OR9Q1: variants seen among roughly 807,000 people sequenced by gnomAD.
The protein encoded by OR9Q1 is olfactory receptor family 9 subfamily Q member 1, also known as olfactory receptor 9Q1.
For missense variants in OR9Q1, 374 were observed against 378.8 expected, an observed-to-expected ratio of 0.99 and a Z score of 0.11; for synonymous variants, 153 against 148.6, an observed-to-expected ratio of 1.03 and a Z score of -0.22.
intron 2 of OR9Q1, among the ~76,000 whole-genome samples, chr11:58,087,625 G>A (rs1484535021): frequency 6.6e-6 from 1 of 151,812 alleles, no homozygotes; most frequent in Non-Finnish European, 1.5e-5. Flanking sequence ...GTATATATGT[G>A]CCATGGTGGT....
At chr11:58,032,061 G>A in intron 1 of OR9Q1, 1 of 554,624 alleles carries the variant, frequency 1.8e-6, no homozygotes, top group Non-Finnish European at 3.2e-6. Flanking sequence ...GGAAGTGAAA[G>A]ATATTTATAA....
At chr11:58,036,807 T>C (rs1853104682) in intron 1 of OR9Q1, among the ~76,000 whole-genome samples, 1 of 152,050 alleles carries the variant, frequency 6.6e-6, no homozygotes. Context: ...GGATGAAGAG[T>C]TGCTTCTTAT....
At chr11:58,053,342 G>A (rs1006485645) in intron 1 of OR9Q1, among the ~76,000 whole-genome samples, 6 of 149,286 alleles carry the variant, frequency 4.0e-5, no homozygotes, top group Admixed American at 6.8e-5. Context: ...GTAAACTATC[G>A]CAAGGACAAA....
At chr11:58,029,188 A>C (rs1368729446) in intron 1 of OR9Q1, among the ~76,000 whole-genome samples, 1 of 152,192 alleles carries the variant, frequency 6.6e-6, no homozygotes, top group African/African-American at 2.4e-5. Context: ...GGCCAGCTCA[A>C]CTGGGGGCTG....
rs114209780 is a variant in OR9Q1, at chr11:58,160,343, C to T, written c.-14-19088C>T. Among the ~76,000 whole-genome samples the T allele has an allele frequency of 2.8e-3, 422 of 152,218 alleles. 1 individual carries two copies. The highest frequency in any genetic ancestry group is 9.0e-3 in the African/African-American group (375 of 41,512). On this transcript the variant is annotated intron_variant, in intron 2 of 2. Coordinates refer to ENST00000335397, the MANE Select transcript of OR9Q1 (RefSeq NM_001005212.4). ...CACTAAGATTTGAGATAATTTATTA[C>T]GAAGTGATAGATAACTACAGATTGA... is the stretch of plus-strand genomic sequence containing the variant.
At chr11:58,063,887 A>G (rs1452793178) in intron 2 of OR9Q1, among the ~76,000 whole-genome samples, 1 of 152,200 alleles carries the variant, frequency 6.6e-6, no homozygotes, top group Non-Finnish European at 1.5e-5. Flanking sequence ...AAACATCAAG[A>G]AATCCAGTGG....
At chr11:58,172,667 GA>G (rs1854566191) in intron 2 of OR9Q1, among the ~76,000 whole-genome samples, 1 of 151,982 alleles carries the variant, frequency 6.6e-6, no homozygotes, top group African/African-American at 2.4e-5. Context: ...ATACTTGTAA[GA>G]TTTTTTTTAA....
chr11:58,131,923 T>A (rs1854145177), intron 2 of OR9Q1, among the ~76,000 whole-genome samples: 1 of 152,116 alleles, frequency 6.6e-6, no homozygotes, highest in African/African-American at 2.4e-5. Context: ...GATTTCAATT[T>A]AAAAAAATAC....
intron 2 of OR9Q1, among the ~76,000 whole-genome samples, chr11:58,082,356 A>G (rs7122673): frequency 0.21 from 31,942 of 152,020 alleles, 4,012 homozygotes; most frequent in Middle Eastern, 0.38. Flanking sequence ...CAAATGTCCA[A>G]CAATGATAGA....
chr11:58,073,635 T>G (rs1156841058), intron 2 of OR9Q1: 2 of 152,242 alleles, frequency 1.3e-5, no homozygotes, highest in Non-Finnish European at 2.9e-5. Flanking sequence ...ACTTTGTTTT[T>G]ATTTTATTTT....
intron 2 of OR9Q1, among the ~76,000 whole-genome samples, chr11:58,076,433 G>T (rs1853539665): frequency 6.6e-6 from 1 of 152,130 alleles, no homozygotes; most frequent in Admixed American, 6.6e-5. Context: ...CTAGCTGTCA[G>T]CCAGGGACTG....
At chr11:58,166,434 C>G (rs1260316510) in intron 2 of OR9Q1, among the ~76,000 whole-genome samples, 4 of 152,172 alleles carry the variant, frequency 2.6e-5, no homozygotes, top group Admixed American at 2.0e-4. Flanking sequence ...TTTATATCAT[C>G]TTCTGCAACT....
At chr11:58,179,012 A>AG (rs1854633335) in intron 2 of OR9Q1, among the ~76,000 whole-genome samples, 38 of 132,474 alleles carry the variant, frequency 2.9e-4, no homozygotes, top group African/African-American at 1.0e-3. Context: ...GAAAGAAAGA[A>AG]AGAGAGAGAG....
intron 2 of OR9Q1, among the ~76,000 whole-genome samples, chr11:58,147,053 C>A (rs558070795): frequency 8.1e-4 from 123 of 152,216 alleles, no homozygotes; most frequent in African/African-American, 2.8e-3. Flanking sequence ...GAAATAGAAC[C>A]ACTTTGTCTA....
intron 1 of OR9Q1, among the ~76,000 whole-genome samples, chr11:58,047,889 G>C (rs1232512774): frequency 6.6e-6 from 1 of 152,010 alleles, no homozygotes; most frequent in African/African-American, 2.4e-5. Context: ...TCTCACATTA[G>C]GAGCCCTTCC....
At chr11:58,136,253 T>C (rs544422135) in intron 2 of OR9Q1, among the ~76,000 whole-genome samples, 14 of 152,168 alleles carry the variant, frequency 9.2e-5, no homozygotes, top group Non-Finnish European at 1.8e-4. Context: ...AACAATTAGA[T>C]AACAGATTGC....
At chr11:58,040,270 A>G (rs1853147835) in intron 1 of OR9Q1, among the ~76,000 whole-genome samples, 1 of 152,020 alleles carries the variant, frequency 6.6e-6, no homozygotes, top group African/African-American at 2.4e-5. Flanking sequence ...ATGTGCTGAG[A>G]TGTTTCATAC....
In OR9Q1 at chr11:58,179,740, CTCAGT is replaced by C. The variant is rs1854642653; in HGVS notation, c.299_303del (p.Gln100LeufsTer20). ...GCTTTATCTTACACACGCTGTGCTG[CTCAGT>C]TCTTTCTGTTCACCTTCTTTGGTTC... is the stretch of plus-strand genomic sequence containing the variant. On this transcript the variant is annotated frameshift_variant, in exon 3 of 3. Coordinates refer to ENST00000335397, the MANE Select transcript of OR9Q1 (RefSeq NM_001005212.4). LOFTEE classifies it low-confidence loss of function (END_TRUNC). 3.1e-6 allele frequency: 5 copies of C among 1,614,222 alleles called. No individual in the cohort carries two copies. The South Asian group carries it at 4.4e-5, about 14-fold the overall frequency.
chr11:58,084,253 C>T (rs1354140482), intron 2 of OR9Q1, among the ~76,000 whole-genome samples: 1 of 151,644 alleles, frequency 6.6e-6, no homozygotes, highest in Non-Finnish European at 1.5e-5. Context: ...AATTTGACTC[C>T]TAGCCTGGAT....
Sources: allele counts gnomAD v4.1 joint callset (sites outside exome capture counted in the v4.1 genomes callset), GRCh38; gene constraint gnomAD v4.1.1; transcripts MANE v1.5; gene names NCBI Gene and HGNC (gene_info 2026-07-23, HGNC 2026-07-21).